GPATCH8: variants seen among roughly 807,000 people sequenced by gnomAD.
GPATCH8 encodes the protein G-patch domain containing 8, also known as G patch domain-containing protein 8.
A neutral mutation model predicts 118.3 loss-of-function variants in GPATCH8; 18 were observed. That is an observed-to-expected ratio of 0.15 (90% confidence interval 0.11 to 0.23). GPATCH8 has a LOEUF of 0.23. GPATCH8 is among the 10% of genes least tolerant of loss of function. The pLI is 1.00. For synonymous variants in GPATCH8, 659 were observed against 684.7 expected, an observed-to-expected ratio of 0.96 and a Z score of 0.59; for missense variants, 1,631 against 1,873.8, an observed-to-expected ratio of 0.87 and a Z score of 2.39.
intron 1 of GPATCH8, among the ~76,000 whole-genome samples, chr17:44,485,113 C>A (rs956057693): frequency 6.6e-6 from 1 of 151,884 alleles, no homozygotes; most frequent in African/African-American, 2.4e-5. Flanking sequence ...CCATGCCAAG[C>A]CTGTTTTTAT....
Position 44,399,082 on chromosome 17 carries a change from G to A in GPATCH8, c.2995C>T (p.Pro999Ser), listed in dbSNP as rs1440059270. The change falls in exon 8 of 8, where the codon CCT (proline) becomes TCT (serine). Residue 999 changes from proline to serine, a missense_variant. Around this residue, in one of 8 missense-constraint regions of GPATCH8, gnomAD observed 922 missense variants for 879.7 expected, o/e 1.05. Transcript: ENST00000591680. ...SRDRSRSTRSPSQRSGSRKRS... is the reference protein window; with the variant it reads ...SRDRSRSTRSSSQRSGSRKRS... ...TTCCTGGAGCCTGATCTCTGGGAAG[G>A]GCTCCTGGTGCTGCGGCTGCGGTCC... 1.9e-6 allele frequency: 3 copies of A among 1,613,910 alleles called. No individual in the cohort carries two copies. In the Admixed American group the frequency reaches 5.0e-5, roughly 27 times the overall value.
At position 44,433,119 on chromosome 17, in the gene GPATCH8, C is replaced by T. The variant is rs575014588; in HGVS notation, c.348+1946G>A. On this transcript the variant is annotated intron_variant, in intron 5 of 7. Coordinates refer to ENST00000591680, the MANE Select transcript of GPATCH8 (RefSeq NM_001002909.4). ...CAAAGCACAGCCGTGATCCACCGCA[C>T]CCAGCCGAGAAATAATTCTATTACC... Among the ~76,000 whole-genome samples the T allele has an allele frequency of 2.6e-5, 4 of 152,170 alleles. No individual in the cohort carries two copies. In the South Asian group the frequency reaches 8.3e-4, roughly 32 times the overall value.
chr17:44,484,219 A>C (rs1383348146), intron 1 of GPATCH8, among the ~76,000 whole-genome samples: 2 of 151,778 alleles, frequency 1.3e-5, no homozygotes, highest in Non-Finnish European at 2.9e-5. Flanking sequence ...CCTGGCCTCA[A>C]GCAATTTGCC....
chr17:44,402,726 C>A (rs2049074608), intron 7 of GPATCH8, among the ~76,000 whole-genome samples: 1 of 152,172 alleles, frequency 6.6e-6, no homozygotes, highest in Admixed American at 6.5e-5. Context: ...TTATGGCAGT[C>A]TGTGGTCAGC....
intron 6 of GPATCH8, among the ~76,000 whole-genome samples, chr17:44,414,227 C>G (rs1436485655): frequency 6.6e-6 from 1 of 150,688 alleles, no homozygotes; most frequent in Non-Finnish European, 1.5e-5. Flanking sequence ...TTTTCACCAC[C>G]ACTACCACCA....
chr17:44,397,120 C>T lies in GPATCH8; in HGVS notation c.*448G>A. 1 of 455,742 alleles carries T rather than the reference C, an allele frequency of 2.2e-6. No homozygotes were observed. The highest frequency in any genetic ancestry group is 4.4e-6 in the Non-Finnish European group (1 of 227,992). The allele number at this position is 455,742 out of a possible 1,614,324, so 28.2% of individuals were successfully genotyped here. ...ACTTCCACCACTAGAACAGCTTGGC[C>T]TTCCCTGTGGCGCTGAGAAGGCAAG... On this transcript the variant is annotated 3_prime_UTR_variant, in exon 8 of 8. Coordinates refer to ENST00000591680, the MANE Select transcript of GPATCH8 (RefSeq NM_001002909.4).
intron 1 of GPATCH8, among the ~76,000 whole-genome samples, chr17:44,483,992 C>G (rs1172070778): frequency 1.3e-5 from 2 of 152,172 alleles, no homozygotes; most frequent in Non-Finnish European, 2.9e-5. Flanking sequence ...TAGGCAAATG[C>G]CACCACACCC....
intron 6 of GPATCH8, among the ~76,000 whole-genome samples, chr17:44,415,030 T>C (rs2049622516): frequency 6.6e-6 from 1 of 152,266 alleles, no homozygotes; most frequent in Non-Finnish European, 1.5e-5. Context: ...AATGCTGCTA[T>C]AAACATTTTT....
intron 2 of GPATCH8, chr17:44,465,694 G>C (rs1031446637): frequency 6.6e-6 from 1 of 152,092 alleles, no homozygotes; most frequent in Non-Finnish European, 1.5e-5. Flanking sequence ...GAAAACAAAG[G>C]TAAATCATTT....
intron 4 of GPATCH8, 68 bp downstream of exon 4, chr17:44,436,410 T>A: frequency 1.3e-6 from 1 of 796,224 alleles, no homozygotes; most frequent in South Asian, 1.3e-5. Flanking sequence ...TGCACAGACA[T>A]CTGAATTTGG....
At chr17:44,455,105 T>C (rs1204626805) in intron 3 of GPATCH8, among the ~76,000 whole-genome samples, 1 of 152,218 alleles carries the variant, frequency 6.6e-6, no homozygotes, top group East Asian at 1.9e-4. Context: ...CAGTATCAGC[T>C]TTTCCTAAGA....
intron 2 of GPATCH8, among the ~76,000 whole-genome samples, chr17:44,469,369 T>C (rs2144340047): frequency 6.6e-6 from 1 of 152,274 alleles, no homozygotes; most frequent in East Asian, 1.9e-4. Context: ...GTAACAATGA[T>C]CATTTTGGTA....
chr17:44,485,777 T>C (rs1389770580), intron 1 of GPATCH8, among the ~76,000 whole-genome samples: 3 of 152,226 alleles, frequency 2.0e-5, no homozygotes, highest in Non-Finnish European at 4.4e-5. Context: ...TTATGGTACT[T>C]GTACTGTGAC....
At chr17:44,494,810 A>G (rs1258778427) in intron 1 of GPATCH8, among the ~76,000 whole-genome samples, 1 of 152,238 alleles carries the variant, frequency 6.6e-6, no homozygotes, top group Non-Finnish European at 1.5e-5. Context: ...AGAACCTTAA[A>G]TAGCTAGTGC....
intron 6 of GPATCH8, among the ~76,000 whole-genome samples, chr17:44,411,830 C>T (rs964578624): frequency 2.0e-5 from 3 of 152,150 alleles, no homozygotes; most frequent in Non-Finnish European, 2.9e-5. Flanking sequence ...TTGTGGCTCA[C>T]ACCTGTACTC....
At chr17:44,470,936 G>A (rs902931416) in intron 2 of GPATCH8, among the ~76,000 whole-genome samples, 1 of 152,136 alleles carries the variant, frequency 6.6e-6, no homozygotes, top group Non-Finnish European at 1.5e-5. Context: ...TAAATATTTT[G>A]TCTTTAAGTA....
chr17:44,432,952 A>G (rs1462069337), intron 5 of GPATCH8, among the ~76,000 whole-genome samples: 1 of 152,102 alleles, frequency 6.6e-6, no homozygotes, highest in Admixed American at 6.6e-5. Context: ...GATCCTCCCA[A>G]TTCAGCTTCT....
chr17:44,473,806 A>G (rs1167044164), intron 2 of GPATCH8: 1 of 152,240 alleles, frequency 6.6e-6, no homozygotes, highest in African/African-American at 2.4e-5. Context: ...AAATTTCTGT[A>G]AACATCTAAA....
In GPATCH8 at chr17:44,400,189, T is replaced by C; in HGVS notation, c.1888A>G (p.Met630Val). Residue 630 changes from methionine (M) to valine (V), a missense_variant, in exon 8 of 8, where the codon ATG (methionine) becomes GTG (valine). By Grantham distance (21) the Met-to-Val change is conservative. Coordinates refer to ENST00000591680, the MANE Select transcript of GPATCH8 (RefSeq NM_001002909.4). The stretch of plus-strand genomic sequence containing the variant: ...GCAGACCCTGAAGCAGGTGCGTCCA[T>C]TCTGCCTCCTGAGGAACGTACTATT... Reference protein sequence around the residue: ...EKIVRSSGGRMDAPASGSACS... With the variant: ...EKIVRSSGGRVDAPASGSACS... 2 of 1,614,158 alleles carry C rather than the reference T, an allele frequency of 1.2e-6. No individual in the cohort carries two copies. The highest frequency in any genetic ancestry group is 1.7e-6 in the Non-Finnish European group (2 of 1,180,034).
Sources: gnomAD v4.1 joint callset for allele counts (sites outside exome capture counted in the v4.1 genomes callset) on GRCh38, gnomAD v4.1.1 for gene constraint, gnomAD v4.1.1 regional missense constraint, MANE v1.5 for transcripts, NCBI Gene and HGNC (gene_info 2026-07-23, HGNC 2026-07-21) for gene names.